Variants in ZSWIM5 observed in about 807,000 individuals in gnomAD.
ZSWIM5 encodes the protein zinc finger SWIM-type containing 5, also known as zinc finger SWIM domain-containing protein 5.
ZSWIM5 carries 55 observed loss-of-function variants against 119.6 expected under a neutral mutation model. The ratio of observed to expected loss-of-function variants is 0.46; its 90% confidence interval spans 0.37 to 0.58. ZSWIM5 has a LOEUF of 0.58. Ranked by LOEUF, ZSWIM5 falls within the 20% of genes least tolerant of loss-of-function variation. The probability of loss-of-function intolerance (pLI) is 0.00; values close to 1 mark genes in which losing one functional copy is unlikely to be tolerated. For missense variants in ZSWIM5, 1,193 were observed against 1,512.8 expected (o/e 0.79, Z 3.51); for synonymous variants, 537 against 606.9 (o/e 0.88, Z 1.69).
intron 1 of ZSWIM5, among the ~76,000 whole-genome samples, chr1:45,152,464 T>G (rs1465574054): frequency 2.6e-5 from 4 of 151,620 alleles, no homozygotes; most frequent in Non-Finnish European, 5.9e-5. Context: ...TCTATAGCCA[T>G]CTGATCTTTG....
At position 45,180,046 on chromosome 1, in the gene ZSWIM5, G is replaced by A. The variant is rs181287644; in HGVS notation, c.595+25710C>T. On this transcript the variant is annotated intron_variant, in intron 1 of 13. Transcript: ENST00000359600. ...TTTCTGCATTTCCATCTGAGGTACC[G>A]GGTTCATCTCACTAGGGAGTGCCAG... Among the ~76,000 whole-genome samples the A allele has an allele frequency of 1.4e-3, 206 of 152,276 alleles. 2 individuals are homozygous for A. The highest frequency in any genetic ancestry group is 2.4e-3 in the Non-Finnish European group (161 of 68,000).
intron 2 of ZSWIM5, among the ~76,000 whole-genome samples, chr1:45,078,537 C>T (rs1645269089): frequency 6.6e-6 from 1 of 152,170 alleles, no homozygotes; most frequent in African/African-American, 2.4e-5. Flanking sequence ...TGGGGTCTTT[C>T]TCTGTTCTGA....
chr1:45,150,543 C>T (rs939780466), intron 1 of ZSWIM5, among the ~76,000 whole-genome samples: 4 of 152,166 alleles, frequency 2.6e-5, no homozygotes, highest in Non-Finnish European at 4.4e-5. Context: ...GCATTTACTA[C>T]GATTTCTGCT....
At chr1:45,124,293 T>C (rs541818194) in intron 1 of ZSWIM5, among the ~76,000 whole-genome samples, 10 of 152,252 alleles carry the variant, frequency 6.6e-5, no homozygotes, top group African/African-American at 2.4e-4. Context: ...TCTAAATGTA[T>C]GTAGAGAAAA....
Position 45,018,622 on chromosome 1 carries a change from G to A in ZSWIM5, c.3390C>T (p.Ile1130=), listed in dbSNP as rs2148985413. Residue 1130 remains isoleucine, a synonymous_variant, in exon 14 of 14, where the codon ATC becomes ATT. Coordinates refer to ENST00000359600, the MANE Select transcript of ZSWIM5 (RefSeq NM_020883.2). This position sits in a 1 kb window ranked among gnomAD's most constrained non-coding sequence, Gnocchi z 6.7. ...TGAACTCTCCATAGTGGCGAGGGCT[G>A]ATGTGTGTTAGGCGTGAGTGTGTAG... ...INTTHSRLTH[I]SPRHYGEFIE... is the part of the protein sequence containing the mutation. 1 of 1,614,248 alleles carries A rather than the reference G, an allele frequency of 6.2e-7. No homozygotes were observed. Among genetic ancestry groups the A allele is most frequent in the Non-Finnish European group, 8.5e-7 (1 of 1,180,052 alleles).
At chr1:45,103,143 A>C (rs1200733545) in intron 1 of ZSWIM5, among the ~76,000 whole-genome samples, 1 of 152,170 alleles carries the variant, frequency 6.6e-6, no homozygotes, top group Non-Finnish European at 1.5e-5. Context: ...GCTGAGATTG[A>C]AGGTGTGAGC....
intron 6 of ZSWIM5, among the ~76,000 whole-genome samples, chr1:45,042,232 A>G (rs1055342192): frequency 3.3e-5 from 5 of 152,206 alleles, no homozygotes; most frequent in African/African-American, 7.2e-5. Context: ...TTACACTCCT[A>G]TAAGTAGTAA....
At chr1:45,046,398 T>C (rs1391576767) in intron 5 of ZSWIM5, among the ~76,000 whole-genome samples, 3 of 152,098 alleles carry the variant, frequency 2.0e-5, no homozygotes, top group Non-Finnish European at 4.4e-5. Context: ...AGGCAATATA[T>C]TGGATTTGCT....
rs1319513836 is a variant in ZSWIM5 at position 45,018,068 on chromosome 1, A to G, written c.*386T>C. 1 of 220,136 alleles carries G rather than the reference A, an allele frequency of 4.5e-6. No homozygotes were observed. The highest frequency in any genetic ancestry group is 9.0e-6 in the Non-Finnish European group (1 of 110,530). The allele number at this position is 220,136 out of a possible 1,614,324, so 13.6% of individuals were successfully genotyped here. Reference sequence around the variant, plus strand: ...TTACAAGTTTACAATAATTAGCAACACATATAGTATTTACAGTCCCACAAA... The same window carrying G: ...TTACAAGTTTACAATAATTAGCAACGCATATAGTATTTACAGTCCCACAAA... On this transcript the variant is annotated 3_prime_UTR_variant, in exon 14 of 14. Transcript: ENST00000359600. This position sits in a 1 kb window ranked among gnomAD's most constrained non-coding sequence, Gnocchi z 6.7.
intron 1 of ZSWIM5, among the ~76,000 whole-genome samples, chr1:45,100,051 A>T (rs1355937753): frequency 6.6e-6 from 1 of 152,226 alleles, no homozygotes; most frequent in African/African-American, 2.4e-5. Context: ...TGGCCAGGGC[A>T]ATCAGGCAAG....
chr1:45,130,685 T>C (rs1645651024), intron 1 of ZSWIM5, among the ~76,000 whole-genome samples: 1 of 152,086 alleles, frequency 6.6e-6, no homozygotes, highest in African/African-American at 2.4e-5. Context: ...AGATTCAGAG[T>C]GTCTTAAAAA....
chr1:45,140,738 A>G (rs778603891), intron 1 of ZSWIM5, among the ~76,000 whole-genome samples: 6 of 152,210 alleles, frequency 3.9e-5, no homozygotes, highest in Non-Finnish European at 5.9e-5. Flanking sequence ...CTAGAGATGG[A>G]TAAGATGGAG....
chr1:45,171,398 A>G (rs1008739672), intron 1 of ZSWIM5, among the ~76,000 whole-genome samples: 11 of 152,090 alleles, frequency 7.2e-5, no homozygotes, highest in Non-Finnish European at 8.8e-5. Context: ...TCTTTGTTAC[A>G]AGGTCAGAAA....
rs906970624 is a variant in ZSWIM5 at position 45,103,169 on chromosome 1, G to A, written c.596-14932C>T. On this transcript the variant is annotated intron_variant, in intron 1 of 13. Coordinates refer to ENST00000359600, the MANE Select transcript of ZSWIM5 (RefSeq NM_020883.2). The stretch of plus-strand genomic sequence containing the variant: ...AGGTGTGAGCTGAGCCACCATGCCC[G>A]GCTCATAATTGATATTTATGCCTGT... Among the ~76,000 whole-genome samples, 5 of 152,044 alleles carry A rather than the reference G, an allele frequency of 3.3e-5. No individual in the cohort carries two copies. The South Asian group carries it at 6.2e-4, about 19-fold the overall frequency.
Position 45,185,868 on chromosome 1 carries a change from C to A in ZSWIM5, c.595+19888G>T, listed in dbSNP as rs12565689. ...CAATTCCTCAGGGATCTAGAACTATCAATACCATTTGACCCAGCCATCCCA... is the reference window on the plus strand; with the variant it reads ...CAATTCCTCAGGGATCTAGAACTATAAATACCATTTGACCCAGCCATCCCA... On this transcript the variant is annotated intron_variant, in intron 1 of 13. Coordinates refer to ENST00000359600, the MANE Select transcript of ZSWIM5 (RefSeq NM_020883.2). 1.9e-4 allele frequency among the ~76,000 whole-genome samples: 29 copies of A among 152,228 alleles called. 1 individual carries two copies. The South Asian group carries it at 3.7e-3, about 20-fold the overall frequency.
At chr1:45,167,768 C>T (rs1213775153) in intron 1 of ZSWIM5, among the ~76,000 whole-genome samples, 1 of 152,126 alleles carries the variant, frequency 6.6e-6, no homozygotes, top group Non-Finnish European at 1.5e-5. Flanking sequence ...ATCAAAACCA[C>T]AATGAGATAC....
chr1:45,168,265 A>T (rs1038165703), intron 1 of ZSWIM5, among the ~76,000 whole-genome samples: 3 of 151,968 alleles, frequency 2.0e-5, no homozygotes, highest in African/African-American at 4.8e-5. Flanking sequence ...ACAGGTGGGA[A>T]TCGAACAATG....
intron 1 of ZSWIM5, among the ~76,000 whole-genome samples, chr1:45,199,353 C>T (rs1646145375): frequency 6.6e-6 from 1 of 150,676 alleles, no homozygotes; most frequent in Admixed American, 6.6e-5. Context: ...GGCTGGAGTG[C>T]AGTGGCACGA....
intron 2 of ZSWIM5, among the ~76,000 whole-genome samples, chr1:45,079,202 C>T (rs935966700): frequency 2.6e-5 from 4 of 152,014 alleles, no homozygotes; most frequent in East Asian, 1.9e-4. Flanking sequence ...TAATTTTCCA[C>T]TACCTACCCA....
Sources: allele counts gnomAD v4.1 joint callset (sites outside exome capture counted in the v4.1 genomes callset), GRCh38; gene constraint gnomAD v4.1.1; non-coding constraint Gnocchi (gnomAD v3.1); transcripts MANE v1.5; gene names NCBI Gene and HGNC (gene_info 2026-07-23, HGNC 2026-07-21).